The following TAAR5 variants were observed in gnomAD, a reference collection of about 807,000 sequenced individuals.
The protein encoded by TAAR5 is trace amine associated receptor 5.
A neutral mutation model predicts 21.1 loss-of-function variants in TAAR5; 27 were observed. The observed-to-expected ratio is 1.28, with a 90% CI of 0.94 to 1.76. The LOEUF (loss-of-function observed/expected upper bound fraction) is 1.76. Ranked by LOEUF, TAAR5 falls within the 40% of genes most tolerant of loss-of-function variation. TAAR5 has a pLI of 0.00. For synonymous variants in TAAR5, 203 were observed against 167.5 expected (o/e 1.21, Z -1.64); for missense variants, 495 against 405.6 (o/e 1.22, Z -1.89).
chr6:132,588,699 G>T lies in TAAR5; in HGVS notation c.988C>A (p.Arg330Ser). Residue 330 changes from arginine (R) to serine (S), a missense_variant, in exon 1 of 1, where the codon CGC (arginine) becomes AGC (serine). By Grantham distance (110) the Arg-to-Ser change is moderately radical. Coordinates refer to ENST00000258034, the MANE Select transcript of TAAR5 (RefSeq NM_003967.3). ...LSQKVFSPQT[R>S]TVDLYQE The stretch of plus-strand genomic sequence containing the variant: ...CATTCTTGGTACAAATCAACAGTGC[G>T]TGTCTGCGGTGAGAAGACCTTCTGG... The T allele has an allele frequency of 2.5e-6, 4 of 1,613,534 alleles. No individual in the cohort carries two copies. Among genetic ancestry groups the T allele is most frequent in the African/African-American group, 1.3e-5 (1 of 74,904 alleles).
At chr6:132,597,089 C>T in the TAAR5 span, among the ~76,000 whole-genome samples, 1 of 152,030 alleles carries the variant, frequency 6.6e-6, no homozygotes, top group Non-Finnish European at 1.5e-5. Flanking sequence ...GTTTTAACTT[C>T]CAAGTTTGAA....
At chr6:132,601,111 G>GGAGGGAAGGGGGGAAGGAGGGAAAGAA in the TAAR5 span, among the ~76,000 whole-genome samples, 6 of 29,938 alleles carry the variant, frequency 2.0e-4, no homozygotes, top group African/African-American at 1.7e-3. Flanking sequence ...GAGGGAAGAA[G>GGAGGGAAGGGGGGAAGGAGGGAAAGAA]GGAAGGAGGG....
At chr6:132,593,376 A>G (rs1056891265), upstream of TAAR5, among the ~76,000 whole-genome samples, 4 of 152,324 alleles carry the variant, frequency 2.6e-5, no homozygotes, top group Non-Finnish European at 5.9e-5. Context: ...CAATCAGAGC[A>G]ACACTTGGCA....
At chr6:132,614,907 A>G in the TAAR5 span, among the ~76,000 whole-genome samples, 22 of 152,158 alleles carry the variant, frequency 1.4e-4, no homozygotes, top group Admixed American at 1.4e-3. Context: ...CTCTGTCGCC[A>G]GGCTGGAATA....
At chr6:132,601,132 A>AGAAGGAAGGAGGGAAGGAGGGAAG in the TAAR5 span, among the ~76,000 whole-genome samples, 1 of 70,430 alleles carries the variant, frequency 1.4e-5, no homozygotes, top group Non-Finnish European at 2.6e-5. Flanking sequence ...AAGGAGGGAA[A>AGAAGGAAGGAGGGAAGGAGGGAAG]GAAGGAAGGA....
chr6:132,595,322 C>A, the TAAR5 span: 1 of 152,660 alleles, frequency 6.6e-6, no homozygotes, highest in Admixed American at 6.6e-5. Flanking sequence ...CCGATCATGA[C>A]CAGGTACATG....
At chr6:132,604,992 C>G in the TAAR5 span, among the ~76,000 whole-genome samples, 2 of 152,206 alleles carry the variant, frequency 1.3e-5, no homozygotes, top group African/African-American at 2.4e-5. Context: ...TAGAGGAACA[C>G]AACCAGCCCC....
chr6:132,603,302 C>CAAAA, the TAAR5 span, among the ~76,000 whole-genome samples: 28 of 98,824 alleles, frequency 2.8e-4, no homozygotes, highest in East Asian at 1.7e-3. Context: ...GACCCTATCT[C>CAAAA]AAAAAAAAAA....
In TAAR5 at chr6:132,589,487, G is replaced by T. The variant is rs147867541; in HGVS notation, c.200C>A (p.Thr67Lys). ...GGAGAGCAGCAGGAAGTTGGTGGGC[G>T]TGTGAAGCGCTTTGAAGTAGGACAC... ...FAVSYFKALH[T>K]PTNFLLLSLA... Residue 67 changes from threonine (T) to lysine (K), a missense_variant, in exon 1 of 1, where the codon ACG becomes AAG. Physicochemically the swap from Thr to Lys is moderately conservative, Grantham distance 78 (BLOSUM62 -1). Transcript: ENST00000258034. The T allele has an allele frequency of 1.2e-6, 2 of 1,613,870 alleles. No individual in the cohort carries two copies. Among genetic ancestry groups the T allele is most frequent in the South Asian group, 2.2e-5 (2 of 91,054 alleles).
In TAAR5 at chr6:132,588,758, T is replaced by G; in HGVS notation, c.929A>C (p.Gln310Pro). ...CNPIIYVFSY[Q>P]WFRKALKLTL... ...GAGTTTCAGTGCCTTCCGAAACCAC[T>G]GGTAGGAAAAGACATAGATGATGGG... The change falls in exon 1 of 1, where the codon CAG becomes CCG. Residue 310 changes from glutamine to proline, a missense_variant. Physicochemically the swap from Gln to Pro is moderately conservative, Grantham distance 76 (BLOSUM62 -1). Transcript: ENST00000258034. 2 of 1,613,984 alleles carry G rather than the reference T, an allele frequency of 1.2e-6. No homozygotes were observed. Among genetic ancestry groups the G allele is most frequent in the Non-Finnish European group, 1.7e-6 (2 of 1,179,956 alleles).
the TAAR5 span, chr6:132,608,558 C>T: frequency 6.6e-6 from 3 of 455,758 alleles, no homozygotes; most frequent in East Asian, 7.0e-5. Context: ...TTTTTCACTG[C>T]CCCCTTTGTG....
chr6:132,599,907 A>G, the TAAR5 span, among the ~76,000 whole-genome samples: 1 of 152,250 alleles, frequency 6.6e-6, no homozygotes, highest in Non-Finnish European at 1.5e-5. Flanking sequence ...TTTTATTTCA[A>G]CAGAAAGAAG....
chr6:132,596,452 G>C, the TAAR5 span, among the ~76,000 whole-genome samples: 1 of 151,898 alleles, frequency 6.6e-6, no homozygotes, highest in Non-Finnish European at 1.5e-5. Flanking sequence ...TGGTCCTTTG[G>C]GAAAATGAAC....
At chr6:132,602,889 C>T in the TAAR5 span, among the ~76,000 whole-genome samples, 1 of 151,132 alleles carries the variant, frequency 6.6e-6, no homozygotes, top group Non-Finnish European at 1.5e-5. Flanking sequence ...GAGTTTGCAG[C>T]AGGTTGTGCA....
chr6:132,613,909 A>AT, the TAAR5 span, among the ~76,000 whole-genome samples: 1 of 152,212 alleles, frequency 6.6e-6, no homozygotes, highest in Non-Finnish European at 1.5e-5. Flanking sequence ...GGATCCACCT[A>AT]TTTGGGCAAA....
chr6:132,613,941 C>T, the TAAR5 span, among the ~76,000 whole-genome samples: 1 of 152,134 alleles, frequency 6.6e-6, no homozygotes, highest in African/African-American at 2.4e-5. Flanking sequence ...TTGCCATTGC[C>T]ACCTATGTAT....
chr6:132,594,473 C>A (rs187301152), upstream of TAAR5: 1 of 152,122 alleles, frequency 6.6e-6, no homozygotes, highest in African/African-American at 2.4e-5. Context: ...CAATGCCTTG[C>A]GAAACCAAGG....
At chr6:132,608,144 G>A in the TAAR5 span, 3 of 356,222 alleles carry the variant, frequency 8.4e-6, no homozygotes, top group South Asian at 2.1e-5. Flanking sequence ...AAATTTAATA[G>A]TATCATGTTT....
chr6:132,608,171 G>A, the TAAR5 span: 1 of 369,076 alleles, frequency 2.7e-6, no homozygotes, highest in East Asian at 7.2e-5. Flanking sequence ...ATCTGGGGAT[G>A]TAAGGTATGT....
Sources: allele counts gnomAD v4.1 joint callset (sites outside exome capture counted in the v4.1 genomes callset), GRCh38; gene constraint gnomAD v4.1.1; transcripts MANE v1.5; gene names NCBI Gene and HGNC (gene_info 2026-07-23, HGNC 2026-07-21).